The following CAMTA1 variants were observed in gnomAD, a reference collection of about 807,000 sequenced individuals.
CAMTA1 encodes the protein calmodulin-binding transcription activator 1.
Under a neutral mutation model 170.9 loss-of-function variants are expected in CAMTA1, and 27 were observed. The observed-to-expected ratio is 0.16, with a 90% confidence interval of 0.12 to 0.22. CAMTA1 has a LOEUF of 0.22. Ranked by LOEUF, CAMTA1 falls within the 10% of genes least tolerant of loss-of-function variation. CAMTA1 has a pLI of 1.00. For missense variants in CAMTA1, 1,619 were observed against 2,217.2 expected (o/e 0.73, Z 5.42); for synonymous variants, 833 against 891.5 (o/e 0.93, Z 1.17).
chr1:7,103,491 ACAC>A (rs1643026751), intron 4 of CAMTA1, among the ~76,000 whole-genome samples: 1 of 149,434 alleles, frequency 6.7e-6, no homozygotes, highest in African/African-American at 2.5e-5. Flanking sequence ...ACACACGTAC[ACAC>A]AACACAGATA....
At position 7,594,972 on chromosome 1, in the gene CAMTA1, G is replaced by A. The variant is rs180772959; in HGVS notation, c.511-45428G>A. Among the ~76,000 whole-genome samples, 5 of 152,350 alleles carry A rather than the reference G, an allele frequency of 3.3e-5. No individual in the cohort carries two copies. The East Asian group carries it at 7.7e-4, about 24-fold the overall frequency. On this transcript the variant is annotated intron_variant, in intron 6 of 22. Transcript: ENST00000303635. ...TGTGATTCAGGAATGAAGGAGTCAAGGGTCAGGCGATGGGGGATCACCCAA... is the reference window on the plus strand; with the variant it reads ...TGTGATTCAGGAATGAAGGAGTCAAAGGTCAGGCGATGGGGGATCACCCAA...
chr1:7,602,344 G>A (rs2095453878), intron 6 of CAMTA1, among the ~76,000 whole-genome samples: 1 of 152,026 alleles, frequency 6.6e-6, no homozygotes, highest in East Asian at 1.9e-4. Flanking sequence ...CCTGTTATTG[G>A]TCTATTCAGA....
chr1:7,599,049 C>G (rs140218534), intron 6 of CAMTA1, among the ~76,000 whole-genome samples: 2,830 of 152,284 alleles, frequency 0.019, 104 homozygotes, highest in African/African-American at 0.065. Flanking sequence ...CCTAGGTTTT[C>G]TTCTAGGGCT....
intron 19 of CAMTA1, 74 bp from the exon 20 acceptor site, chr1:7,751,125 C>T (rs767027444): frequency 9.3e-5 from 111 of 1,191,290 alleles, no homozygotes; most frequent in Middle Eastern, 6.0e-4. Flanking sequence ...CTTCCCTTCC[C>T]GGTAAGCTCG....
intron 5 of CAMTA1, among the ~76,000 whole-genome samples, chr1:7,313,190 G>T (rs1677000242): frequency 6.6e-6 from 1 of 152,146 alleles, no homozygotes; most frequent in South Asian, 2.1e-4. Flanking sequence ...AGCTGTGTCT[G>T]TATTTGTGAA....
At chr1:6,941,360 C>G (rs534721886) in intron 3 of CAMTA1, among the ~76,000 whole-genome samples, 1 of 152,190 alleles carries the variant, frequency 6.6e-6, no homozygotes, top group African/African-American at 2.4e-5. Context: ...CGCACACTTA[C>G]CCCAGCTCTC....
chr1:7,553,153 G>A (rs114550186), intron 6 of CAMTA1, among the ~76,000 whole-genome samples: 6,368 of 152,338 alleles, frequency 0.042, 156 homozygotes, highest in African/African-American at 0.074. Context: ...ATGAATGAAT[G>A]AGTGAATGCA....
At chr1:7,721,258 G>T (rs372941588) in intron 11 of CAMTA1, among the ~76,000 whole-genome samples, 1 of 152,182 alleles carries the variant, frequency 6.6e-6, no homozygotes, top group South Asian at 2.1e-4. Context: ...CACTGGTCTG[G>T]AGTCCAGTCT....
At chr1:7,377,073 C>A (rs2086894481) in intron 5 of CAMTA1, among the ~76,000 whole-genome samples, 1 of 152,160 alleles carries the variant, frequency 6.6e-6, no homozygotes, top group African/African-American at 2.4e-5. Flanking sequence ...TTAATTTAGA[C>A]CAAATCTAGT....
At chr1:7,366,195 G>A (rs532662021) in intron 5 of CAMTA1, among the ~76,000 whole-genome samples, 1 of 152,186 alleles carries the variant, frequency 6.6e-6, no homozygotes, top group Non-Finnish European at 1.5e-5. Flanking sequence ...ATCAGCGAGT[G>A]GCCATGTGAC....
At chr1:6,791,239 T>C (rs1641025152) in intron 1 of CAMTA1, among the ~76,000 whole-genome samples, 1 of 148,454 alleles carries the variant, frequency 6.7e-6, no homozygotes, top group Non-Finnish European at 1.5e-5. Context: ...CCTGTCATTA[T>C]TATAAAAAAG....
chr1:7,637,452 C>T (rs1033556650), intron 6 of CAMTA1, among the ~76,000 whole-genome samples: 4 of 152,338 alleles, frequency 2.6e-5, no homozygotes, highest in East Asian at 3.9e-4. Context: ...AGCCCAGACG[C>T]GGTCCCTGGG....
intron 4 of CAMTA1, among the ~76,000 whole-genome samples, chr1:7,097,263 A>G (rs1278719145): frequency 2.6e-5 from 4 of 152,172 alleles, no homozygotes; most frequent in African/African-American, 9.7e-5. Flanking sequence ...ATCTCTTCAC[A>G]GCCTGTGTGC....
At chr1:6,942,217 C>T (rs1686774927) in intron 3 of CAMTA1, among the ~76,000 whole-genome samples, 1 of 152,064 alleles carries the variant, frequency 6.6e-6, no homozygotes, top group Admixed American at 6.5e-5. Context: ...TGGCAAGTTG[C>T]CCCAGCAATT....
Position 7,635,299 on chromosome 1 carries a change from C to T in CAMTA1, c.511-5101C>T, listed in dbSNP as rs1296350354. On this transcript the variant is annotated intron_variant, in intron 6 of 22. Coordinates refer to ENST00000303635, the MANE Select transcript of CAMTA1 (RefSeq NM_015215.4). The surrounding 1 kb of genome is among the most constrained non-coding windows in gnomAD (Gnocchi z 4.4). ...TGGGCAAGACAAAGGCAGCTTCACTCCACAACTGTCCAGAATCAAGGATCC... is the reference window on the plus strand; with the variant it reads ...TGGGCAAGACAAAGGCAGCTTCACTTCACAACTGTCCAGAATCAAGGATCC... 2.0e-5 allele frequency among the ~76,000 whole-genome samples: 3 copies of T among 152,170 alleles called. No individual in the cohort carries two copies. The highest frequency in any genetic ancestry group is 2.9e-5 in the Non-Finnish European group (2 of 68,030).
At chr1:7,364,800 C>T (rs2085839013) in intron 5 of CAMTA1, among the ~76,000 whole-genome samples, 1 of 152,184 alleles carries the variant, frequency 6.6e-6, no homozygotes, top group African/African-American at 2.4e-5. Flanking sequence ...AAACACTCCA[C>T]ACAGTGCTTC....
At chr1:7,668,392 C>CACACAA (rs767476644) in intron 9 of CAMTA1, among the ~76,000 whole-genome samples, 4,993 of 112,632 alleles carry the variant, frequency 0.044, 80 homozygotes, top group South Asian at 0.065. Context: ...GTCACCAACA[C>CACACAA]ACACACACAC....
intron 6 of CAMTA1, among the ~76,000 whole-genome samples, chr1:7,553,688 C>A (rs529465691): frequency 1.3e-5 from 2 of 152,324 alleles, no homozygotes; most frequent in South Asian, 4.1e-4. Context: ...AAGGAAAGGG[C>A]AGCTTCCCAG....
intron 6 of CAMTA1, among the ~76,000 whole-genome samples, chr1:7,530,873 T>C (rs1211352709): frequency 1.5e-5 from 2 of 135,810 alleles, no homozygotes; most frequent in Non-Finnish European, 3.1e-5. Context: ...TAGAGTGCAA[T>C]GTGCAATCTC....
Sources: allele counts gnomAD v4.1 joint callset (sites outside exome capture counted in the v4.1 genomes callset), GRCh38; gene constraint gnomAD v4.1.1; non-coding constraint Gnocchi (gnomAD v3.1); transcripts MANE v1.5; gene names NCBI Gene and HGNC (gene_info 2026-07-23, HGNC 2026-07-21).